ZBTB32: variants seen among roughly 807,000 people sequenced by gnomAD.
ZBTB32 encodes zinc finger and BTB domain containing 32.
In ZBTB32, 28 loss-of-function variants were observed where a neutral mutation model predicts 45.3. The observed-to-expected ratio is 0.62, with a 90% CI of 0.46 to 0.85. The LOEUF (loss-of-function observed/expected upper bound fraction) is 0.85. ZBTB32 is among the 40% of genes least tolerant of loss of function. ZBTB32 has a pLI of 0.00. For missense variants in ZBTB32, 587 were observed against 624.4 expected, an observed-to-expected ratio of 0.94 and a Z score of 0.64; for synonymous variants, 283 against 255.7, an observed-to-expected ratio of 1.11 and a Z score of -1.02.
Position 35,714,729 on chromosome 19 carries a change from G to C in ZBTB32, c.103G>C (p.Val35Leu). 1 of 1,614,072 alleles carries C rather than the reference G, an allele frequency of 6.2e-7. No individual in the cohort carries two copies. Among genetic ancestry groups the C allele is most frequent in the Non-Finnish European group, 8.5e-7 (1 of 1,180,018 alleles). Reference protein sequence around the residue: ...RPALCDTLITVGSQEFPAHSL... With the variant: ...RPALCDTLITLGSQEFPAHSL... ...AGCACTCTGTGATACTCTGATCACC[G>C]TAGGGAGCCAGGAGTTCCCCGCCCA... is the stretch of plus-strand genomic sequence containing the variant. Residue 35 changes from valine (V) to leucine (L), a missense_variant, in exon 3 of 7, where the codon GTA becomes CTA. By Grantham distance (32) the Val-to-Leu change is conservative. Transcript: ENST00000392197.
rs774381965 is a variant in ZBTB32 at position 35,715,749 on chromosome 19, C to A, written c.882-8C>A. 18 of 1,604,044 alleles carry A rather than the reference C, an allele frequency of 1.1e-5. 1 individual carries two copies. The South Asian group carries it at 2.0e-4, about 18-fold the overall frequency. On this transcript the variant is annotated splice_region_variant and splice_polypyrimidine_tract_variant and intron_variant, in intron 3 of 6. Coordinates refer to ENST00000392197, the MANE Select transcript of ZBTB32 (RefSeq NM_014383.3). ...CCAAGGCTGTAACTCTTCCCCACCCCATCCCAGGATCCCACTGTCCCTAAA... is the reference window on the plus strand; with the variant it reads ...CCAAGGCTGTAACTCTTCCCCACCCAATCCCAGGATCCCACTGTCCCTAAA...
At chr19:35,712,024 CA>C (rs773746029) in intron 1 of ZBTB32, among the ~76,000 whole-genome samples, 241 of 54,804 alleles carry the variant, frequency 4.4e-3, no homozygotes, top group Non-Finnish European at 6.3e-3. Flanking sequence ...GACTGCGTCT[CA>C]AAAAAAAAAA....
At chr19:35,707,195 TAAAA>T (rs537947581) in intron 1 of ZBTB32, among the ~76,000 whole-genome samples, 8 of 105,926 alleles carry the variant, frequency 7.6e-5, no homozygotes, top group Admixed American at 1.1e-4. Flanking sequence ...ACTGTGTCTC[TAAAA>T]AAAAAAAAAA....
Position 35,715,520 on chromosome 19 carries a change from G to A in ZBTB32, c.881+13G>A, listed in dbSNP as rs1162397498. 1.3e-6 allele frequency: 2 copies of A among 1,523,070 alleles called. No homozygotes were observed. The highest frequency in any genetic ancestry group is 2.3e-5 in the East Asian group (1 of 44,196). The allele number at this position is 1,523,070 out of a possible 1,614,324, so 94.3% of individuals were successfully genotyped here. ...GGCGGGAACAGAGGTGAGTGGCGGG[G>A]TCTAGTGCTCTGCCTCCAGGCTGGG... On this transcript the variant is annotated intron_variant, in intron 3 of 6. Transcript: ENST00000392197.
At chr19:35,716,431 G>C (rs1452270452) in intron 6 of ZBTB32, 47 bp from the exon 7 acceptor site, 2 of 1,585,702 alleles carry the variant, frequency 1.3e-6, no homozygotes, top group Non-Finnish European at 1.7e-6. Flanking sequence ...GCCAGCTTTC[G>C]CCGCCTTCTT....
At position 35,715,806 on chromosome 19, in the gene ZBTB32, T is replaced by C. The variant is rs1469239798; in HGVS notation, c.931T>C (p.Leu311=). Residue 311 remains leucine, a synonymous_variant, in exon 4 of 7, where the codon TTG becomes CTG. Coordinates refer to ENST00000392197, the MANE Select transcript of ZBTB32 (RefSeq NM_014383.3). ...CAAAGGGCTCTGGAGCCAGAACCAGTTGGCCTCCTCCAGCCCTACCCCAGG... is the reference window on the plus strand; with the variant it reads ...CAAAGGGCTCTGGAGCCAGAACCAGCTGGCCTCCTCCAGCCCTACCCCAGG... The part of the protein sequence containing the change: ...APKGLWSQNQ[L]ASSSPTPGSL... 1 of 1,613,710 alleles carries C rather than the reference T, an allele frequency of 6.2e-7. No homozygotes were observed. The highest frequency in any genetic ancestry group is 8.5e-7 in the Non-Finnish European group (1 of 1,179,918).
chr19:35,707,748 G>A (rs958582676), intron 1 of ZBTB32, among the ~76,000 whole-genome samples: 1 of 152,108 alleles, frequency 6.6e-6, no homozygotes, highest in Non-Finnish European at 1.5e-5. Context: ...CTGGGAGGCT[G>A]AGGCGGGTGG....
In ZBTB32 at chr19:35,717,024, T is replaced by C; in HGVS notation, c.*272T>C. 1 of 499,480 alleles carries C rather than the reference T, an allele frequency of 2.0e-6. No individual in the cohort carries two copies. Among genetic ancestry groups the C allele is most frequent in the Non-Finnish European group, 3.6e-6 (1 of 279,760 alleles). The allele number at this position is 499,480 out of a possible 1,614,324, so 30.9% of individuals were successfully genotyped here. ...CTCATCACCATAATAAAGAGTTTCC[T>C]GTGCCCTCCCTTCAGGACTAGAAAG... On this transcript the variant is annotated 3_prime_UTR_variant, in exon 7 of 7. Transcript: ENST00000392197.
At chr19:35,716,029 G>C (rs1302335441) in intron 5 of ZBTB32, 22 bp downstream of exon 5, 12 of 1,610,892 alleles carry the variant, frequency 7.4e-6, no homozygotes, top group Non-Finnish European at 1.0e-5. Flanking sequence ...GGGGGCACTC[G>C]TGCCTCAGCC....
intron 5 of ZBTB32, 24 bp from the exon 6 acceptor site, chr19:35,716,109 C>A: frequency 6.2e-7 from 1 of 1,612,878 alleles, no homozygotes; most frequent in Non-Finnish European, 8.5e-7. Flanking sequence ...GCCCTGCCCT[C>A]CTTTGCCTTC....
rs1166566448 is a variant in ZBTB32 at position 35,714,708 on chromosome 19, C to T, written c.82C>T (p.Leu28Phe). The T allele has an allele frequency of 6.8e-6, 11 of 1,613,620 alleles. No individual in the cohort carries two copies. The highest frequency in any genetic ancestry group is 8.5e-6 in the Non-Finnish European group (10 of 1,179,802). Residue 28 changes from leucine (L) to phenylalanine (F), a missense_variant, in exon 3 of 7, where the codon CTC (leucine) becomes TTC (phenylalanine). Leu to Phe is a conservative substitution (Grantham distance 22). Coordinates refer to ENST00000392197, the MANE Select transcript of ZBTB32 (RefSeq NM_014383.3). The part of the protein sequence containing the change: ...VQLAARLRPA[L>F]CDTLITVGSQ... ...GCTAGCAGCCAGGCTCCGGCCAGCA[C>T]TCTGTGATACTCTGATCACCGTAGG...
In ZBTB32 at chr19:35,715,400, C is replaced by A; in HGVS notation, c.774C>A (p.Gly258=). 1 of 1,611,186 alleles carries A rather than the reference C, an allele frequency of 6.2e-7. No homozygotes were observed. The highest frequency in any genetic ancestry group is 8.5e-7 in the Non-Finnish European group (1 of 1,179,036). The change falls in exon 3 of 7, where the codon GGC becomes GGA. Residue 258 remains glycine (G), a synonymous_variant. Coordinates refer to ENST00000392197, the MANE Select transcript of ZBTB32 (RefSeq NM_014383.3). ...SWAEAPWLVG[G]QPALWSILLM... ...CTGAGGCCCCTTGGTTGGTGGGGGG[C>A]CAGCCTGCCCTGTGGAGCATCCTGC...
chr19:35,707,647 C>CACCTT (rs1968580974), intron 1 of ZBTB32, among the ~76,000 whole-genome samples: 1 of 152,028 alleles, frequency 6.6e-6, no homozygotes, highest in Admixed American at 6.5e-5. Flanking sequence ...GGATTACAGG[C>CACCTT]GTGAGCCACC....
intron 6 of ZBTB32, 69 bp downstream of exon 6, chr19:35,716,366 G>C (rs1968897793): frequency 6.3e-7 from 1 of 1,598,220 alleles, no homozygotes; most frequent in African/African-American, 1.3e-5. Context: ...CTCCACCTGT[G>C]TGCCCGGTTC....
At position 35,715,783 on chromosome 19, in the gene ZBTB32, A is replaced by G. The variant is rs756593230; in HGVS notation, c.908A>G (p.Lys303Arg). 2.5e-6 allele frequency: 4 copies of G among 1,613,264 alleles called. No homozygotes were observed. Among genetic ancestry groups the G allele is most frequent in the East Asian group, 2.2e-5 (1 of 44,880 alleles). Reference sequence around the variant, plus strand: ...ATCCCACTGTCCCTAAATGCCCCCAAAGGGCTCTGGAGCCAGAACCAGTTG... The same window carrying G: ...ATCCCACTGTCCCTAAATGCCCCCAGAGGGCTCTGGAGCCAGAACCAGTTG... ...QRIPLSLNAP[K>R]GLWSQNQLAS... Residue 303 changes from lysine (K) to arginine (R), a missense_variant, in exon 4 of 7, where the codon AAA becomes AGA. By Grantham distance (26) the Lys-to-Arg change is conservative. Transcript: ENST00000392197.
chr19:35,707,827 C>T (rs995924892), intron 1 of ZBTB32, among the ~76,000 whole-genome samples: 3 of 151,824 alleles, frequency 2.0e-5, no homozygotes, highest in Non-Finnish European at 4.4e-5. Context: ...ACTAAAAATA[C>T]AAAAATTAGC....
chr19:35,713,219 A>G (rs531381946), intron 2 of ZBTB32, 186 bp downstream of exon 2: 1 of 152,368 alleles, frequency 6.6e-6, no homozygotes, highest in African/African-American at 2.4e-5. Flanking sequence ...GTGAGGAGAC[A>G]GGAGGCTAGG....
At chr19:35,705,862 G>A (rs992710429) in intron 1 of ZBTB32, among the ~76,000 whole-genome samples, 1 of 146,570 alleles carries the variant, frequency 6.8e-6, no homozygotes, top group Non-Finnish European at 1.5e-5. Context: ...AGTGAGCAGA[G>A]ATCGCACCAC....
rs538134005 is a variant in ZBTB32 at position 35,714,965 on chromosome 19, A to T, written c.339A>T (p.Arg113=). The change falls in exon 3 of 7, where the codon CGA becomes CGT. Residue 113 remains arginine (R), a synonymous_variant. Coordinates refer to ENST00000392197, the MANE Select transcript of ZBTB32 (RefSeq NM_014383.3). ...QSLEEACWRA[R]GDRAKKPDPG... The stretch of plus-strand genomic sequence containing the variant: ...TGGAAGAGGCATGCTGGAGGGCTCG[A>T]GGGGACAGGGCTAAAAAGCCAGATC... 1 of 1,594,284 alleles carries T rather than the reference A, an allele frequency of 6.3e-7. No individual in the cohort carries two copies. The highest frequency in any genetic ancestry group is 2.2e-5 in the East Asian group (1 of 44,686).
Sources: allele counts gnomAD v4.1 joint callset (sites outside exome capture counted in the v4.1 genomes callset), GRCh38; gene constraint gnomAD v4.1.1; transcripts MANE v1.5; gene names NCBI Gene and HGNC (gene_info 2026-07-23, HGNC 2026-07-21).